KALRN: variants seen among roughly 807,000 people sequenced by gnomAD.
The protein encoded by KALRN is kalirin.
Under a neutral mutation model 353.7 loss-of-function variants are expected in KALRN, and 70 were observed. That is an observed-to-expected ratio of 0.20 (90% CI 0.16 to 0.24). KALRN has a LOEUF of 0.24. KALRN is among the 10% of genes least tolerant of loss of function. The probability of loss-of-function intolerance (pLI) is 1.00; values close to 1 mark genes in which losing one functional copy is unlikely to be tolerated. For synonymous variants in KALRN, 1,391 were observed against 1,434.8 expected (o/e 0.97, Z 0.69); for missense variants, 2,791 against 3,756.7 (o/e 0.74, Z 6.72).
chr3:124,254,952 A>T (rs950573536), intron 3 of KALRN, among the ~76,000 whole-genome samples: 6 of 109,186 alleles, frequency 5.5e-5, no homozygotes, highest in African/African-American at 8.1e-5. Context: ...ATATATATAT[A>T]TTTTTTTTTT....
intron 9 of KALRN, among the ~76,000 whole-genome samples, chr3:124,342,739 T>C (rs11708466): frequency 0.26 from 38,821 of 152,182 alleles, 5,383 homozygotes; most frequent in Middle Eastern, 0.33. Context: ...TATTGAGTAC[T>C]ATTTCCCATT....
rs555514422 is a variant in KALRN, at chr3:124,096,497, A to G, written c.73+62684A>G. 2.0e-5 allele frequency: 3 copies of G among 152,364 alleles called. No individual in the cohort carries two copies. The South Asian group carries it at 6.2e-4, about 32-fold the overall frequency. 9.4% of individuals were successfully genotyped at this position (152,364 alleles called of 1,614,324 possible). A position where few individuals can be genotyped will look rare whatever the true frequency, so the allele number is the denominator to read the frequency against. ...AGACAATTTATACTTACATGAATTTAAACAAGATTCACACTACCATATGAT... is the reference window on the plus strand; with the variant it reads ...AGACAATTTATACTTACATGAATTTGAACAAGATTCACACTACCATATGAT... On this transcript the variant is annotated intron_variant, in intron 1 of 59. Coordinates refer to ENST00000682506, the MANE Select transcript of KALRN (RefSeq NM_001388419.1).
intron 5 of KALRN, among the ~76,000 whole-genome samples, chr3:124,286,109 T>TTCTTTCTTTCTTTC (rs2075844054): frequency 3.4e-5 from 5 of 147,706 alleles, no homozygotes; most frequent in African/African-American, 1.0e-4. Flanking sequence ...CTTTCTTTCT[T>TTCTTTCTTTCTTTC]TCTTTCTTTC....
At chr3:124,607,936 TCCTGC>T (rs2077521673) in intron 34 of KALRN, among the ~76,000 whole-genome samples, 1 of 152,268 alleles carries the variant, frequency 6.6e-6, no homozygotes, top group South Asian at 2.1e-4. Flanking sequence ...TAACATTGTA[TCCTGC>T]TTTTTTTCCA....
At chr3:124,132,139 G>T (rs1266252584) in intron 1 of KALRN, among the ~76,000 whole-genome samples, 1 of 152,142 alleles carries the variant, frequency 6.6e-6, no homozygotes, top group African/African-American at 2.4e-5. Context: ...CTGGAATATT[G>T]ATTATCCATC....
intron 1 of KALRN, among the ~76,000 whole-genome samples, chr3:124,188,687 A>G (rs1304450434): frequency 6.6e-6 from 1 of 152,156 alleles, no homozygotes; most frequent in East Asian, 1.9e-4. Flanking sequence ...AAGAACTGTA[A>G]AGTGTCAAGG....
chr3:124,438,564 T>C (rs1360397724), intron 17 of KALRN, among the ~76,000 whole-genome samples: 18 of 151,470 alleles, frequency 1.2e-4, no homozygotes, highest in Admixed American at 1.2e-3. Context: ...ATAGTTATTG[T>C]GAGATTATAA....
rs752049201 is a variant in KALRN, at chr3:124,671,674, A to G, written c.6718A>G (p.Ile2240Val). The change falls in exon 48 of 60, where the codon ATT becomes GTT. Residue 2240 changes from isoleucine to valine, a missense_variant. Ile to Val is a conservative substitution (Grantham distance 29, BLOSUM62 3). Coordinates refer to ENST00000682506, the MANE Select transcript of KALRN (RefSeq NM_001388419.1). ...RDFLNALQSP[I>V]EYQRKERSTA... ...TTATCCCACAGCACTGCAATCGCCC[A>G]TTGAGTATCAACGGAAAGAAAGGAG... The G allele has an allele frequency of 1.2e-6, 2 of 1,612,492 alleles. No homozygotes were observed. Among genetic ancestry groups the G allele is most frequent in the South Asian group, 1.1e-5 (1 of 91,058 alleles).
intron 28 of KALRN, among the ~76,000 whole-genome samples, chr3:124,486,612 G>A (rs1468442502): frequency 1.3e-5 from 2 of 152,104 alleles, no homozygotes; most frequent in Admixed American, 6.6e-5. Flanking sequence ...TCACTAATTA[G>A]ATATCTTACC....
intron 10 of KALRN, 134 bp downstream of exon 10, chr3:124,347,399 G>GTA: frequency 2.9e-6 from 4 of 1,378,446 alleles, no homozygotes; most frequent in Non-Finnish European, 3.9e-6. Context: ...GTGTGTGTGT[G>GTA]TGTGTCTAGA....
Position 124,152,338 on chromosome 3 carries a change from T to C in KALRN, c.74-75652T>C. On this transcript the variant is annotated intron_variant, in intron 1 of 59. Coordinates refer to ENST00000682506, the MANE Select transcript of KALRN (RefSeq NM_001388419.1). ...CTTGTTAAGCTTCACAAAGGTTCCATTGAAGATTTGACGAAGGCGAAGAAG... is the reference window on the plus strand; with the variant it reads ...CTTGTTAAGCTTCACAAAGGTTCCACTGAAGATTTGACGAAGGCGAAGAAG... 3 of 1,221,070 alleles carry C rather than the reference T, an allele frequency of 2.5e-6. 1 individual carries two copies. In the South Asian group the frequency reaches 3.6e-5, roughly 15 times the overall value. The allele number at this position is 1,221,070 out of a possible 1,614,324, so 75.6% of individuals were successfully genotyped here. A position where few individuals can be genotyped will look rare whatever the true frequency, so the allele number is the denominator to read the frequency against.
chr3:124,113,849 C>T (rs1192210859), intron 1 of KALRN, among the ~76,000 whole-genome samples: 2 of 152,208 alleles, frequency 1.3e-5, no homozygotes, highest in East Asian at 1.9e-4. Flanking sequence ...CATTAGAAGG[C>T]GTCAGCATCG....
intron 1 of KALRN, among the ~76,000 whole-genome samples, chr3:124,077,065 G>T (rs2060293836): frequency 6.6e-6 from 1 of 152,228 alleles, no homozygotes; most frequent in Non-Finnish European, 1.5e-5. Flanking sequence ...TCTGGTCCAA[G>T]GTTACAGGGA....
At chr3:124,144,164 G>A (rs1405429878) in intron 1 of KALRN, among the ~76,000 whole-genome samples, 1 of 152,114 alleles carries the variant, frequency 6.6e-6, no homozygotes, top group Non-Finnish European at 1.5e-5. Flanking sequence ...AGGATCCAGA[G>A]GGAGAATGAC....
At chr3:124,157,596 G>A (rs1338358365) in intron 1 of KALRN, among the ~76,000 whole-genome samples, 3 of 152,324 alleles carry the variant, frequency 2.0e-5, no homozygotes, top group African/African-American at 7.2e-5. Context: ...GTTACACGCA[G>A]AGGGAGTTTA....
At chr3:124,246,902 A>G (rs73188160) in intron 3 of KALRN, among the ~76,000 whole-genome samples, 40,652 of 152,116 alleles carry the variant, frequency 0.27, 6,654 homozygotes, top group Non-Finnish European at 0.37. Context: ...TAGATGCTGG[A>G]GAGACAGCCT....
intron 33 of KALRN, among the ~76,000 whole-genome samples, chr3:124,550,249 T>G (rs936991279): frequency 6.6e-6 from 1 of 152,062 alleles, no homozygotes; most frequent in African/African-American, 2.4e-5. Context: ...GAGATTGGGA[T>G]GGACAGGTAG....
At chr3:124,243,351 T>C (rs1226665904) in intron 3 of KALRN, among the ~76,000 whole-genome samples, 1 of 152,100 alleles carries the variant, frequency 6.6e-6, no homozygotes, top group Non-Finnish European at 1.5e-5. Context: ...ATGCTTCAAA[T>C]GCGGAGAGAC....
At chr3:124,135,739 G>T (rs929122750) in intron 1 of KALRN, among the ~76,000 whole-genome samples, 6 of 152,042 alleles carry the variant, frequency 3.9e-5, no homozygotes, top group African/African-American at 1.4e-4. Context: ...TTCTTTCTTG[G>T]TGGGGAAGGG....
Sources: allele counts gnomAD v4.1 joint callset (sites outside exome capture counted in the v4.1 genomes callset), GRCh38; gene constraint gnomAD v4.1.1; transcripts MANE v1.5; gene names NCBI Gene and HGNC (gene_info 2026-07-23, HGNC 2026-07-21).